TMEM156: variants seen among roughly 807,000 people sequenced by gnomAD.
TMEM156 encodes the protein transmembrane protein 156.
TMEM156 carries 28 observed loss-of-function variants against 30.5 expected under a neutral mutation model. The observed-to-expected ratio is 0.92, with a 90% confidence interval of 0.68 to 1.26. The LOEUF (loss-of-function observed/expected upper bound fraction) is 1.26. Ranked by LOEUF, TMEM156 falls within the 50% of genes most tolerant of loss-of-function variation. The pLI, the probability that TMEM156 is intolerant of heterozygous loss-of-function variation, is 0.00. For synonymous variants in TMEM156, 137 were observed against 119.9 expected (o/e 1.14, Z -0.93); for missense variants, 351 against 340.6 (o/e 1.03, Z -0.24).
At chr4:39,025,279 C>T (rs1332429381) in intron 1 of TMEM156, among the ~76,000 whole-genome samples, 3 of 130,492 alleles carry the variant, frequency 2.3e-5, no homozygotes, top group Non-Finnish European at 4.6e-5. Context: ...ACATGGGAGG[C>T]GGAGGCTGCA....
intron 1 of TMEM156, among the ~76,000 whole-genome samples, chr4:39,020,202 T>G (rs1183032153): frequency 6.6e-6 from 1 of 152,244 alleles, no homozygotes; most frequent in East Asian, 1.9e-4. Context: ...ATCCATTCAT[T>G]CACTGATGGA....
intron 1 of TMEM156, among the ~76,000 whole-genome samples, chr4:39,014,757 C>CAA (rs34040774): frequency 6.4e-5 from 8 of 125,320 alleles, no homozygotes; most frequent in Admixed American, 1.6e-4. Flanking sequence ...GACTCCATCT[C>CAA]AAAAAAAAAA....
At chr4:38,974,206 T>C (rs188292708) in intron 5 of TMEM156, among the ~76,000 whole-genome samples, 22 of 126,110 alleles carry the variant, frequency 1.7e-4, no homozygotes, top group African/African-American at 5.7e-4. Flanking sequence ...TTTCTTTCTC[T>C]CTTTTTTTTT....
At chr4:39,005,078 C>A (rs554110972) in intron 1 of TMEM156, among the ~76,000 whole-genome samples, 3 of 152,206 alleles carry the variant, frequency 2.0e-5, no homozygotes, top group African/African-American at 7.2e-5. Context: ...CAAGCAACAG[C>A]GTGGATGAAT....
At chr4:38,973,378 A>G (rs1722698880) in intron 5 of TMEM156, among the ~76,000 whole-genome samples, 1 of 152,058 alleles carries the variant, frequency 6.6e-6, no homozygotes, top group Non-Finnish European at 1.5e-5. Flanking sequence ...AGTCATTTTT[A>G]TGTCACTCAG....
intron 2 of TMEM156, among the ~76,000 whole-genome samples, chr4:38,996,869 GTAGA>G (rs1457266802): frequency 1.3e-5 from 2 of 152,104 alleles, no homozygotes; most frequent in Non-Finnish European, 2.9e-5. Flanking sequence ...TGATAAATGA[GTAGA>G]TAAAGAAAAA....
chr4:39,000,040 C>T (rs759907961), intron 1 of TMEM156, among the ~76,000 whole-genome samples: 2 of 152,094 alleles, frequency 1.3e-5, no homozygotes, highest in Non-Finnish European at 2.9e-5. Flanking sequence ...TGTCTGAAGA[C>T]AAACATAAGA....
At chr4:38,998,611 T>C in intron 2 of TMEM156, 29 bp downstream of exon 2, 4 of 1,579,798 alleles carry the variant, frequency 2.5e-6, no homozygotes, top group Non-Finnish European at 3.4e-6. Context: ...CCTGATACCA[T>C]TTTATTCTCA....
chr4:38,984,335 C>G (rs113592514), intron 5 of TMEM156, among the ~76,000 whole-genome samples: 2 of 99,716 alleles, frequency 2.0e-5, no homozygotes, highest in African/African-American at 1.2e-4. Flanking sequence ...TTCTCTCTGT[C>G]TCTCTCTCTC....
intron 1 of TMEM156, among the ~76,000 whole-genome samples, chr4:39,017,684 A>C (rs896466752): frequency 2.0e-5 from 3 of 152,156 alleles, no homozygotes; most frequent in African/African-American, 7.2e-5. Context: ...TTTTAAAGCT[A>C]TCTTTGTTGG....
At chr4:38,995,571 T>C (rs1398455519) in intron 2 of TMEM156, among the ~76,000 whole-genome samples, 1 of 152,140 alleles carries the variant, frequency 6.6e-6, no homozygotes, top group Non-Finnish European at 1.5e-5. Flanking sequence ...AAAAATTAAC[T>C]GGGCGTGGTG....
chr4:38,992,702 T>TATATTATATA (rs1560366769), intron 3 of TMEM156, among the ~76,000 whole-genome samples: 31 of 48,754 alleles, frequency 6.4e-4, no homozygotes, highest in African/African-American at 2.5e-3. Context: ...TATTATATAA[T>TATATTATATA]ATATATATAT....
chr4:38,992,584 C>T (rs1712542042), intron 3 of TMEM156, among the ~76,000 whole-genome samples: 1 of 149,276 alleles, frequency 6.7e-6, no homozygotes, highest in African/African-American at 2.5e-5. Flanking sequence ...CCCATTTCAT[C>T]CAGGCCTGGT....
chr4:39,018,120 T>G (rs979797206), intron 1 of TMEM156, among the ~76,000 whole-genome samples: 6 of 152,160 alleles, frequency 3.9e-5, no homozygotes, highest in Admixed American at 2.0e-4. Flanking sequence ...TTCCATTATT[T>G]TTCCCTTTAG....
At chr4:39,029,941 T>A (rs1056364845) in intron 1 of TMEM156, among the ~76,000 whole-genome samples, 17 of 152,088 alleles carry the variant, frequency 1.1e-4, no homozygotes, top group African/African-American at 4.1e-4. Flanking sequence ...ATCAACTTTT[T>A]GTTTATGGCA....
chr4:38,973,186 C>A (rs925943376), intron 5 of TMEM156, among the ~76,000 whole-genome samples: 1 of 152,022 alleles, frequency 6.6e-6, no homozygotes, highest in African/African-American at 2.4e-5. Flanking sequence ...GGAATGAATA[C>A]CTCTCCTCTA....
At chr4:38,981,861 T>A (rs1475823450) in intron 5 of TMEM156, among the ~76,000 whole-genome samples, 1 of 152,246 alleles carries the variant, frequency 6.6e-6, no homozygotes, top group Non-Finnish European at 1.5e-5. Context: ...CTATGGTATG[T>A]GCCCATTATA....
At chr4:38,992,195 C>A (rs1712514680) in intron 3 of TMEM156, among the ~76,000 whole-genome samples, 1 of 152,122 alleles carries the variant, frequency 6.6e-6, no homozygotes, top group Non-Finnish European at 1.5e-5. Flanking sequence ...AAAAGGACAG[C>A]AAATTACTCT....
rs9992233 is a variant in TMEM156, at chr4:39,026,787, C to T, written c.88+5439G>A. Among the ~76,000 whole-genome samples, 1,409 of 151,938 alleles carry T rather than the reference C, an allele frequency of 9.3e-3. 29 individuals are homozygous for T. Among genetic ancestry groups the T allele is most frequent in the African/African-American group, 0.032 (1,320 of 41,426 alleles). The stretch of plus-strand genomic sequence containing the variant: ...ACTAAAAATACAAAAATTAGCTGGA[C>T]ATGGTGGTGCGTGCCTGTAGTCCCA... On this transcript the variant is annotated intron_variant, in intron 1 of 6. Transcript: ENST00000381938.
Sources: gnomAD v4.1 joint callset for allele counts (sites outside exome capture counted in the v4.1 genomes callset) on GRCh38, gnomAD v4.1.1 for gene constraint, MANE v1.5 for transcripts, NCBI Gene and HGNC (gene_info 2026-07-23, HGNC 2026-07-21) for gene names.